POGLUT2: variants seen among roughly 807,000 people sequenced by gnomAD.
POGLUT2 encodes the protein protein O-glucosyltransferase 2.
In POGLUT2, 47 loss-of-function variants were observed where a neutral mutation model predicts 57.6. The observed-to-expected ratio is 0.82, with a 90% CI of 0.65 to 1.04. The LOEUF is 1.04. POGLUT2 is among the 50% of genes least tolerant of loss of function. The probability of loss-of-function intolerance (pLI) is 0.00; values close to 1 mark genes in which losing one functional copy is unlikely to be tolerated. For synonymous variants in POGLUT2, 200 were observed against 218.8 expected (o/e 0.91, Z 0.76); for missense variants, 565 against 614.8 (o/e 0.92, Z 0.86).
At position 102,789,012 on chromosome 13, in the gene POGLUT2, C is replaced by G; in HGVS notation, c.1293G>C (p.Glu431Asp). Residue 431 changes from glutamate (E) to aspartate (D), a missense_variant and splice_region_variant, in exon 7 of 10, where the codon GAG (glutamate) becomes GAC (aspartate). Coordinates refer to ENST00000376004, the MANE Select transcript of POGLUT2 (RefSeq NM_024089.3). ...KLKWAKDHDE[E>D]AKKIAKAGQE... is the part of the protein sequence containing the mutation. ...AAGCCTTCAAGGGGACTAACCTTAC[C>G]TCTTCATCGTGATCTTTCGCCCATT... 1 of 1,612,476 alleles carries G rather than the reference C, an allele frequency of 6.2e-7. No individual in the cohort carries two copies. Among genetic ancestry groups the G allele is most frequent in the Non-Finnish European group, 8.5e-7 (1 of 1,178,972 alleles).
chr13:102,793,064 T>C, intron 4 of POGLUT2: 1 of 352,958 alleles, frequency 2.8e-6, no homozygotes, highest in Non-Finnish European at 5.2e-6. Flanking sequence ...GCGTGAGCCA[T>C]GGCACCTAGC....
intron 2 of POGLUT2, 41 bp downstream of exon 2, chr13:102,796,763 T>G: frequency 9.9e-7 from 1 of 1,007,192 alleles, no homozygotes; most frequent in Non-Finnish European, 1.5e-6. Context: ...ATATATTATT[T>G]TATTCAAATA....
Position 102,798,537 on chromosome 13 carries a change from A to C in POGLUT2, c.134T>G (p.Leu45Arg). The part of the protein sequence containing the change: ...WGPGLKADVV[L>R]PARYFYIQAV... ...CTGAATATAGAAATAGCGGGCGGGA[A>C]GGACGACGTCTGCTTTTAGCCCGGG... The change falls in exon 1 of 10, where the codon CTT (leucine) becomes CGT (arginine). Residue 45 changes from leucine to arginine, a missense_variant. Transcript: ENST00000376004. 1 of 1,612,698 alleles carries C rather than the reference A, an allele frequency of 6.2e-7. No homozygotes were observed. The highest frequency in any genetic ancestry group is 8.5e-7 in the Non-Finnish European group (1 of 1,179,352).
intron 9 of POGLUT2, among the ~76,000 whole-genome samples, chr13:102,785,076 G>A (rs1423902705): frequency 3.3e-5 from 5 of 152,154 alleles, no homozygotes; most frequent in African/African-American, 1.2e-4. Context: ...CAATGATGAC[G>A]AACCACCTCT....
At position 102,786,290 on chromosome 13, in the gene POGLUT2, T is replaced by G; in HGVS notation, c.1433A>C (p.Lys478Thr). 6.2e-7 allele frequency: 1 copy of G among 1,614,140 alleles called. No individual in the cohort carries two copies. Residue 478 changes from lysine to threonine, a missense_variant, in exon 9 of 10, where the codon AAA becomes ACA. Lys to Thr is a moderately conservative substitution (Grantham distance 78). Coordinates refer to ENST00000376004, the MANE Select transcript of POGLUT2 (RefSeq NM_024089.3). The part of the protein sequence containing the change: ...VSEPQIREGM[K>T]RVEPQTEDDL... ...GTCCTCAGTCTGTGGTTCTACCCTT[T>G]TCATGCCCTCTCGGATTTGGGGCTC...
chr13:102,784,965 C>T (rs1044340792), intron 9 of POGLUT2, among the ~76,000 whole-genome samples: 9 of 152,120 alleles, frequency 5.9e-5, no homozygotes, highest in African/African-American at 1.9e-4. Flanking sequence ...GTTCTGATAC[C>T]AAATCACGGA....
At chr13:102,798,436 GA>G in intron 1 of POGLUT2, 52 bp downstream of exon 1, 1 of 1,473,658 alleles carries the variant, frequency 6.8e-7, no homozygotes, top group Non-Finnish European at 9.1e-7. Flanking sequence ...CTTAAAGGGA[GA>G]AACAGATTTA....
Position 102,791,351 on chromosome 13 carries a change from T to C in POGLUT2, c.752A>G (p.His251Arg), listed in dbSNP as rs754114540. 4 of 1,612,876 alleles carry C rather than the reference T, an allele frequency of 2.5e-6. No individual in the cohort carries two copies. In the African/African-American group the frequency reaches 5.3e-5, roughly 22 times the overall value. Residue 251 changes from histidine to arginine, a missense_variant, in exon 5 of 10, where the codon CAT (histidine) becomes CGT (arginine). His to Arg is a conservative substitution (Grantham distance 29). Coordinates refer to ENST00000376004, the MANE Select transcript of POGLUT2 (RefSeq NM_024089.3). ...LEKKKSNSNI[H>R]PIFSWCGSTD... Reference sequence around the variant, plus strand: ...GGAGCCACACCAGGAAAAGATCGGATGGATGTTTGAATTGGATTTCTTTTT... The same window carrying C: ...GGAGCCACACCAGGAAAAGATCGGACGGATGTTTGAATTGGATTTCTTTTT...
At chr13:102,790,022 T>C (rs1376331674) in intron 6 of POGLUT2, among the ~76,000 whole-genome samples, 1 of 152,212 alleles carries the variant, frequency 6.6e-6, no homozygotes, top group African/African-American at 2.4e-5. Context: ...TGCAGAAAAT[T>C]CAACAGGCAG....
intron 7 of POGLUT2, among the ~76,000 whole-genome samples, 175 bp downstream of exon 7, chr13:102,788,837 C>T (rs188588707): frequency 1.6e-3 from 248 of 152,210 alleles, no homozygotes; most frequent in African/African-American, 5.3e-3. Context: ...ATGCAGTGCC[C>T]GCTGTGTTCA....
At position 102,793,377 on chromosome 13, in the gene POGLUT2, A is replaced by G. The variant is rs1595310505; in HGVS notation, c.636T>C (p.Ile212=). Reference sequence around the variant, plus strand: ...AAGAAAGTAGTATGGCATCCATGAAAATTCTAAAACCTACATGTTCACCAT... The same window carrying G: ...AAGAAAGTAGTATGGCATCCATGAAGATTCTAAAACCTACATGTTCACCAT... ...KTHGEHVGFR[I]FMDAILLSLT... The change falls in exon 4 of 10, where the codon ATT becomes ATC. Residue 212 remains isoleucine (I), a synonymous_variant. Coordinates refer to ENST00000376004, the MANE Select transcript of POGLUT2 (RefSeq NM_024089.3). The G allele has an allele frequency of 1.9e-6, 3 of 1,589,240 alleles. No homozygotes were observed. The highest frequency in any genetic ancestry group is 4.5e-5 in the East Asian group (2 of 44,776).
intron 8 of POGLUT2, 51 bp from the exon 9 acceptor site, chr13:102,786,390 C>T (rs1263851015): frequency 8.8e-7 from 1 of 1,137,684 alleles, no homozygotes; most frequent in African/African-American, 1.5e-5. Context: ...TTTATATCCA[C>T]CCAATGAGAG....
rs12583419 is a variant in POGLUT2 at position 102,797,025 on chromosome 13, A to G, written c.183-16T>C. The G allele has an allele frequency of 0.044, 70,083 of 1,580,360 alleles. 2,103 individuals carry two copies. Among genetic ancestry groups the G allele is most frequent in the African/African-American group, 0.13 (9,996 of 74,208 alleles). On this transcript the variant is annotated splice_polypyrimidine_tract_variant and intron_variant, in intron 1 of 9. Transcript: ENST00000376004. ...AGATGTGAATCTGTGATGAAAAGGCAATGGGGGAGATAAACAGATTTTAAC... is the reference window on the plus strand; with the variant it reads ...AGATGTGAATCTGTGATGAAAAGGCGATGGGGGAGATAAACAGATTTTAAC...
chr13:102,796,341 A>G (rs1878388559), intron 2 of POGLUT2, among the ~76,000 whole-genome samples: 1 of 145,990 alleles, frequency 6.8e-6, no homozygotes, highest in African/African-American at 2.5e-5. Context: ...AATAAATGTC[A>G]GAGAATTTCT....
Position 102,791,059 on chromosome 13 carries a change from C to T in POGLUT2, c.925G>A (p.Gly309Arg). 2 of 1,614,186 alleles carry T rather than the reference C, an allele frequency of 1.2e-6. No individual in the cohort carries two copies. The highest frequency in any genetic ancestry group is 2.2e-5 in the South Asian group (2 of 91,084). ...AGTCTCTCTTTGCGGCTGTCTCGCC[C>T]TCTCCAGACGGCAGTGGAATTTTTG... ...ESKNSTAVWR[G>R]RDSRKERLEL... The change falls in exon 6 of 10, where the codon GGG becomes AGG. Residue 309 changes from glycine to arginine, a missense_variant. Gly to Arg is a moderately radical substitution (Grantham distance 125). Transcript: ENST00000376004.
At chr13:102,793,862 A>G (rs1026678697) in intron 2 of POGLUT2, 56 bp from the exon 3 acceptor site, 2 of 1,453,234 alleles carry the variant, frequency 1.4e-6, no homozygotes, top group African/African-American at 1.4e-5. Context: ...AGCATTCGAA[A>G]CTTGTAATAA....
At position 102,797,018 on chromosome 13, in the gene POGLUT2, A is replaced by G. The variant is rs368539089; in HGVS notation, c.183-9T>C. On this transcript the variant is annotated splice_polypyrimidine_tract_variant and intron_variant, in intron 1 of 9. Coordinates refer to ENST00000376004, the MANE Select transcript of POGLUT2 (RefSeq NM_024089.3). ...CTGGAGAAGATGTGAATCTGTGATG[A>G]AAAGGCAATGGGGGAGATAAACAGA... 1.3e-6 allele frequency: 2 copies of G among 1,600,004 alleles called. No homozygotes were observed. Among genetic ancestry groups the G allele is most frequent in the Non-Finnish European group, 1.7e-6 (2 of 1,168,788 alleles).
intron 4 of POGLUT2, among the ~76,000 whole-genome samples, chr13:102,791,764 C>T (rs905760710): frequency 6.6e-6 from 1 of 152,052 alleles, no homozygotes; most frequent in Non-Finnish European, 1.5e-5. Context: ...TGCTAGTGAG[C>T]CAGATGGTTC....
intron 3 of POGLUT2, 21 bp downstream of exon 3, chr13:102,793,580 G>T: frequency 1.9e-6 from 3 of 1,592,842 alleles, no homozygotes; most frequent in Non-Finnish European, 1.7e-6. Flanking sequence ...AAACAAACAA[G>T]CAAAAAATCA....
Sources: allele counts gnomAD v4.1 joint callset (sites outside exome capture counted in the v4.1 genomes callset), GRCh38; gene constraint gnomAD v4.1.1; transcripts MANE v1.5; gene names NCBI Gene and HGNC (gene_info 2026-07-23, HGNC 2026-07-21).